The following LRRC1 variants were observed in gnomAD, a reference collection of about 807,000 sequenced individuals.
The protein encoded by LRRC1 is leucine rich repeat containing 1, also known as leucine-rich repeat-containing protein 1.
In LRRC1, 28 loss-of-function variants were observed where a neutral mutation model predicts 69.9. The observed-to-expected ratio is 0.40, with a 90% CI of 0.30 to 0.55. The LOEUF is 0.55. LRRC1 is among the 20% of genes least tolerant of loss of function. The probability of loss-of-function intolerance (pLI) is 0.47; values close to 1 mark genes in which losing one functional copy is unlikely to be tolerated. For synonymous variants in LRRC1, 236 were observed against 240.2 expected, an observed-to-expected ratio of 0.98 and a Z score of 0.16; for missense variants, 498 against 609.0, an observed-to-expected ratio of 0.82 and a Z score of 1.92.
rs1226624139 is a variant in LRRC1 at position 53,867,971 on chromosome 6, A to AT, written c.278-11015dup. ...CTGTCTTACCAAAAAAAAAAAAAAA[A>AT]TTTTTTTGTTTCACCTTATGTAAAA... is the stretch of plus-strand genomic sequence containing the variant. On this transcript the variant is annotated intron_variant, in intron 2 of 13. Coordinates refer to ENST00000370888, the MANE Select transcript of LRRC1 (RefSeq NM_018214.5). 2.1e-3 allele frequency among the ~76,000 whole-genome samples: 315 copies of AT among 150,622 alleles called. 2 individuals carry two copies. The highest frequency in any genetic ancestry group is 0.013 in the Admixed American group (194 of 15,130).
chr6:53,862,897 A>G lies in LRRC1; in HGVS notation c.278-16096A>G, dbSNP rs77037301. ...ATGCAGACTTGGCTCATGGATTCATATTTAGTCTTGTTTGACAATTCCAGA... is the reference window on the plus strand; with the variant it reads ...ATGCAGACTTGGCTCATGGATTCATGTTTAGTCTTGTTTGACAATTCCAGA... On this transcript the variant is annotated intron_variant, in intron 2 of 13. Coordinates refer to ENST00000370888, the MANE Select transcript of LRRC1 (RefSeq NM_018214.5). Among the ~76,000 whole-genome samples the G allele has an allele frequency of 4.3e-3, 653 of 152,332 alleles. 6 individuals are homozygous for G. The highest frequency in any genetic ancestry group is 0.015 in the African/African-American group (608 of 41,572).
At chr6:53,882,657 A>G (rs73432409) in intron 3 of LRRC1, among the ~76,000 whole-genome samples, 1 of 152,158 alleles carries the variant, frequency 6.6e-6, no homozygotes, top group African/African-American at 2.4e-5. Context: ...CTAGATCACC[A>G]TAACAATGTG....
chr6:53,888,380 C>G (rs1389969119), intron 4 of LRRC1, among the ~76,000 whole-genome samples: 2 of 151,986 alleles, frequency 1.3e-5, no homozygotes, highest in Non-Finnish European at 2.9e-5. Context: ...GTATAAAATT[C>G]TTAGGATAAA....
rs1014228402 is a variant in LRRC1 at position 53,859,572 on chromosome 6, G to A, written c.277+17345G>A. Among the ~76,000 whole-genome samples, 5 of 152,230 alleles carry A rather than the reference G, an allele frequency of 3.3e-5. 1 individual carries two copies. In the South Asian group the frequency reaches 8.3e-4, roughly 25 times the overall value. Reference sequence around the variant, plus strand: ...ATTATGATCTTTTTCAGATAAGTCCGTGGAACAATGGCTTTACTACGTCCA... The same window carrying A: ...ATTATGATCTTTTTCAGATAAGTCCATGGAACAATGGCTTTACTACGTCCA... On this transcript the variant is annotated intron_variant, in intron 2 of 13. Coordinates refer to ENST00000370888, the MANE Select transcript of LRRC1 (RefSeq NM_018214.5).
intron 1 of LRRC1, among the ~76,000 whole-genome samples, chr6:53,819,124 AAG>A (rs934031358): frequency 6.6e-6 from 1 of 152,198 alleles, no homozygotes; most frequent in Non-Finnish European, 1.5e-5. Context: ...AGAGCTGTGG[AAG>A]AGAGAGAGGC....
intron 2 of LRRC1, among the ~76,000 whole-genome samples, chr6:53,863,828 A>G (rs1766609049): frequency 1.3e-5 from 2 of 152,198 alleles, no homozygotes; most frequent in Admixed American, 1.3e-4. Flanking sequence ...TTAGTAAAAG[A>G]CAAAGATTTC....
chr6:53,858,399 T>C (rs553898679), intron 2 of LRRC1, among the ~76,000 whole-genome samples: 1 of 152,304 alleles, frequency 6.6e-6, no homozygotes, highest in African/African-American at 2.4e-5. Context: ...CCAATGTTGG[T>C]GTCACACTGT....
chr6:53,856,178 A>AACACT (rs1766302788), intron 2 of LRRC1, among the ~76,000 whole-genome samples: 1 of 152,242 alleles, frequency 6.6e-6, no homozygotes, highest in Admixed American at 6.5e-5. Flanking sequence ...GCAACAGTGT[A>AACACT]TGCTTCATTG....
At chr6:53,900,643 A>G (rs1278609094) in intron 8 of LRRC1, among the ~76,000 whole-genome samples, 1 of 152,178 alleles carries the variant, frequency 6.6e-6, no homozygotes, top group African/African-American at 2.4e-5. Context: ...GAGTGGCGTA[A>G]TTGAATTGAG....
At chr6:53,902,134 G>A (rs1297490763) in intron 8 of LRRC1, among the ~76,000 whole-genome samples, 2 of 152,208 alleles carry the variant, frequency 1.3e-5, no homozygotes, top group Non-Finnish European at 2.9e-5. Context: ...CCTGGCCTGA[G>A]TGAAATAGAC....
At chr6:53,827,964 T>C (rs1765321920) in intron 1 of LRRC1, among the ~76,000 whole-genome samples, 1 of 152,130 alleles carries the variant, frequency 6.6e-6, no homozygotes, top group Admixed American at 6.5e-5. Context: ...CTATAACTAG[T>C]GGATAGCTAT....
intron 2 of LRRC1, among the ~76,000 whole-genome samples, chr6:53,866,204 A>C (rs574449940): frequency 6.6e-6 from 1 of 152,270 alleles, no homozygotes; most frequent in East Asian, 1.9e-4. Flanking sequence ...CTCCCTTCTT[A>C]TAATCCTGTA....
At chr6:53,900,635 G>A (rs1011721452) in intron 8 of LRRC1, among the ~76,000 whole-genome samples, 3 of 152,196 alleles carry the variant, frequency 2.0e-5, no homozygotes, top group African/African-American at 4.8e-5. Context: ...TGCTGAAAGA[G>A]TGGCGTAATT....
In LRRC1 at chr6:53,882,898, G is replaced by C. The variant is rs1767346898; in HGVS notation, c.368G>C (p.Ser123Thr). 5 of 1,606,732 alleles carry C rather than the reference G, an allele frequency of 3.1e-6. No individual in the cohort carries two copies. The South Asian group carries it at 5.6e-5, about 18-fold the overall frequency. Residue 123 changes from serine (S) to threonine (T), a missense_variant, in exon 4 of 14, where the codon AGC becomes ACC. Ser to Thr is a moderately conservative substitution (Grantham distance 58, BLOSUM62 1). Coordinates refer to ENST00000370888, the MANE Select transcript of LRRC1 (RefSeq NM_018214.5). The part of the protein sequence containing the change: ...SGNPLTRLPE[S>T]FPELQNLTCL... Reference sequence around the variant, plus strand: ...TTGTTTGATTTTAGGTTGCCAGAAAGCTTTCCTGAATTACAGAATTTAACA... The same window carrying C: ...TTGTTTGATTTTAGGTTGCCAGAAACCTTTCCTGAATTACAGAATTTAACA...
At chr6:53,809,366 C>T (rs1167290326) in intron 1 of LRRC1, among the ~76,000 whole-genome samples, 2 of 152,124 alleles carry the variant, frequency 1.3e-5, no homozygotes, top group Admixed American at 1.3e-4. Context: ...ATTCTCATAC[C>T]TTGATTTTTG....
Position 53,851,650 on chromosome 6 carries a change from G to A in LRRC1, c.277+9423G>A, listed in dbSNP as rs531655099. 4.6e-4 allele frequency among the ~76,000 whole-genome samples: 70 copies of A among 152,184 alleles called. No individual in the cohort carries two copies. The South Asian group carries it at 0.014, about 31-fold the overall frequency. On this transcript the variant is annotated intron_variant, in intron 2 of 13. Transcript: ENST00000370888. ...CTGTTTAAATTTGGCATCCTGTGGTGCAGTGAAATTAACATATAAAAGTAA... is the reference window on the plus strand; with the variant it reads ...CTGTTTAAATTTGGCATCCTGTGGTACAGTGAAATTAACATATAAAAGTAA...
intron 1 of LRRC1, among the ~76,000 whole-genome samples, chr6:53,818,934 A>G (rs959498333): frequency 4.6e-5 from 7 of 152,172 alleles, no homozygotes; most frequent in African/African-American, 7.2e-5. Context: ...CAATGAATGC[A>G]CCTTGGGTTT....
At chr6:53,828,956 G>C (rs976412804) in intron 1 of LRRC1, among the ~76,000 whole-genome samples, 2 of 152,208 alleles carry the variant, frequency 1.3e-5, no homozygotes, top group African/African-American at 4.8e-5. Context: ...GGAAGATGTG[G>C]TATGTGGTGG....
At chr6:53,898,079 C>A (rs993558483) in intron 7 of LRRC1, among the ~76,000 whole-genome samples, 1 of 152,152 alleles carries the variant, frequency 6.6e-6, no homozygotes, top group Non-Finnish European at 1.5e-5. Context: ...TTTCATGTGA[C>A]CAGTTGTAAA....
Sources: gnomAD v4.1 joint callset for allele counts (sites outside exome capture counted in the v4.1 genomes callset) on GRCh38, gnomAD v4.1.1 for gene constraint, MANE v1.5 for transcripts, NCBI Gene and HGNC (gene_info 2026-07-23, HGNC 2026-07-21) for gene names.